The following THSD4 variants were observed in gnomAD, a reference collection of about 807,000 sequenced individuals.
The protein encoded by THSD4 is thrombospondin type-1 domain-containing protein 4.
In THSD4, 69 loss-of-function variants were observed where a neutral mutation model predicts 119.0. That is an observed-to-expected ratio of 0.58 (90% confidence interval 0.48 to 0.71). The LOEUF (loss-of-function observed/expected upper bound fraction) is 0.71. THSD4 is among the 30% of genes least tolerant of loss of function. The pLI is 0.00. For synonymous variants in THSD4, 524 were observed against 540.4 expected, an observed-to-expected ratio of 0.97 and a Z score of 0.42; for missense variants, 1,393 against 1,391.1, an observed-to-expected ratio of 1.00 and a Z score of -0.02.
chr15:71,299,582 A>G (rs2044915720), intron 6 of THSD4, among the ~76,000 whole-genome samples: 1 of 152,202 alleles, frequency 6.6e-6, no homozygotes, highest in Non-Finnish European at 1.5e-5. Context: ...TGTTAGTCAA[A>G]GGGTACAAAG....
At chr15:71,250,529 C>T (rs146491051) in intron 5 of THSD4, among the ~76,000 whole-genome samples, 13 of 152,172 alleles carry the variant, frequency 8.5e-5, no homozygotes, top group South Asian at 2.1e-4. Flanking sequence ...ATGTTGCCCA[C>T]GGTGGTCTTG....
At chr15:71,113,458 A>C (rs566357774), upstream of THSD4, 2 of 152,340 alleles carry the variant, frequency 1.3e-5, no homozygotes, top group South Asian at 4.1e-4. Flanking sequence ...AAATTATTTC[A>C]AAATTAAAAA....
chr15:71,333,794 CAACA>C (rs1306038841), intron 6 of THSD4, among the ~76,000 whole-genome samples: 1 of 152,196 alleles, frequency 6.6e-6, no homozygotes, highest in Admixed American at 6.5e-5. Context: ...ACCAAGCAGA[CAACA>C]AACCTTTTTC....
At chr15:71,269,352 A>G (rs1010465673) in intron 6 of THSD4, among the ~76,000 whole-genome samples, 1 of 152,198 alleles carries the variant, frequency 6.6e-6, no homozygotes, top group Non-Finnish European at 1.5e-5. Context: ...CAAAAACCAC[A>G]TGATTATCTC....
chr15:71,409,645 G>T (rs111933414), intron 6 of THSD4, among the ~76,000 whole-genome samples: 3 of 152,302 alleles, frequency 2.0e-5, no homozygotes, highest in African/African-American at 7.2e-5. Context: ...TCTAGACGAT[G>T]CAGTCTTCCT....
At chr15:71,494,590 T>G (rs953490049) in intron 7 of THSD4, among the ~76,000 whole-genome samples, 5 of 152,070 alleles carry the variant, frequency 3.3e-5, no homozygotes, top group African/African-American at 1.2e-4. Context: ...AGAAATACCT[T>G]CTGGATTCTT....
Position 71,477,784 on chromosome 15 carries a change from C to T in THSD4, c.1152+65961C>T, listed in dbSNP as rs2047674146. ...TCCCTCACACCGTCACTTTATTCACCCTCTTCACCATGCTGAACCTGCTTC... is the reference window on the plus strand; with the variant it reads ...TCCCTCACACCGTCACTTTATTCACTCTCTTCACCATGCTGAACCTGCTTC... On this transcript the variant is annotated intron_variant, in intron 7 of 17. Transcript: ENST00000261862. Among the ~76,000 whole-genome samples, 2 of 152,172 alleles carry T rather than the reference C, an allele frequency of 1.3e-5. 1 individual carries two copies. The highest frequency in any genetic ancestry group is 4.1e-4 in the South Asian group (2 of 4,830).
intron 1 of THSD4, among the ~76,000 whole-genome samples, chr15:71,104,057 G>T (rs2040264146): frequency 6.6e-6 from 1 of 152,120 alleles, no homozygotes; most frequent in South Asian, 2.1e-4. Context: ...CATCCATTCT[G>T]TCCAGGATTT....
At chr15:71,208,579 T>C (rs936584656) in intron 3 of THSD4, among the ~76,000 whole-genome samples, 1 of 152,004 alleles carries the variant, frequency 6.6e-6, no homozygotes, top group South Asian at 2.1e-4. Context: ...TGGTGAAATC[T>C]TGGCTCACAG....
chr15:71,647,030 A>G (rs1048591551), intron 7 of THSD4, among the ~76,000 whole-genome samples: 2 of 152,230 alleles, frequency 1.3e-5, no homozygotes, highest in African/African-American at 4.8e-5. Context: ...TGAAACCACA[A>G]CATTTAGCCT....
chr15:71,599,168 T>C (rs2049961553), intron 7 of THSD4, among the ~76,000 whole-genome samples: 1 of 152,192 alleles, frequency 6.6e-6, no homozygotes, highest in African/African-American at 2.4e-5. Context: ...GAAGCTAAAT[T>C]GTAAATCTTT....
At chr15:71,234,592 G>A (rs1014777342) in intron 4 of THSD4, among the ~76,000 whole-genome samples, 4 of 152,182 alleles carry the variant, frequency 2.6e-5, no homozygotes, top group Non-Finnish European at 5.9e-5. Flanking sequence ...ACCACATCCA[G>A]CCTGCTAGTC....
intron 7 of THSD4, among the ~76,000 whole-genome samples, chr15:71,554,457 C>G (rs764662444): frequency 6.6e-6 from 1 of 152,066 alleles, no homozygotes; most frequent in African/African-American, 2.4e-5. Flanking sequence ...GCCCCAATCA[C>G]GTCTCACTGC....
intron 7 of THSD4, among the ~76,000 whole-genome samples, chr15:71,533,850 G>T (rs763156071): frequency 1.1e-4 from 17 of 152,138 alleles, no homozygotes; most frequent in Non-Finnish European, 1.9e-4. Context: ...TGTGCTCTAA[G>T]TAGGCATTAT....
intron 6 of THSD4, among the ~76,000 whole-genome samples, chr15:71,267,447 G>T (rs1294145506): frequency 6.6e-6 from 1 of 150,488 alleles, no homozygotes; most frequent in African/African-American, 2.4e-5. Context: ...TGCCTTACAA[G>T]AGCTCCTGAA....
rs778523759 is a variant in THSD4 at position 71,746,814 on chromosome 15, C to T, written c.2037-24C>T. 4 of 1,611,440 alleles carry T rather than the reference C, an allele frequency of 2.5e-6. No individual in the cohort carries two copies. The South Asian group carries it at 4.4e-5, about 18-fold the overall frequency. On this transcript the variant is annotated intron_variant, in intron 12 of 17. Coordinates refer to ENST00000261862, the MANE Select transcript of THSD4 (RefSeq NM_024817.3). ...TGTTGACTGAAGGTTGTCTCTCACT[C>T]TCGCTCTCTCATTCCTGAACCAGCT...
chr15:71,637,540 A>G (rs1308238897), intron 7 of THSD4, among the ~76,000 whole-genome samples: 2 of 152,126 alleles, frequency 1.3e-5, no homozygotes, highest in Non-Finnish European at 2.9e-5. Flanking sequence ...TCAGGGAAGA[A>G]ATGCCAGTAA....
chr15:71,487,022 G>T (rs957388048), intron 7 of THSD4, among the ~76,000 whole-genome samples: 3 of 152,210 alleles, frequency 2.0e-5, no homozygotes, highest in Non-Finnish European at 4.4e-5. Flanking sequence ...AGCCAGGGAA[G>T]TAGTTGACCA....
chr15:71,253,244 G>A (rs945782309), intron 5 of THSD4, among the ~76,000 whole-genome samples: 28 of 152,120 alleles, frequency 1.8e-4, no homozygotes, highest in Non-Finnish European at 3.4e-4. Context: ...CAAGGGACAG[G>A]GTATCCTAAA....
Sources: gnomAD v4.1 joint callset for allele counts (sites outside exome capture counted in the v4.1 genomes callset) on GRCh38, gnomAD v4.1.1 for gene constraint, MANE v1.5 for transcripts, NCBI Gene and HGNC (gene_info 2026-07-23, HGNC 2026-07-21) for gene names.